The following TACC2 variants were observed in gnomAD, a reference collection of about 807,000 sequenced individuals.
The protein encoded by TACC2 is transforming acidic coiled-coil containing protein 2.
A neutral mutation model predicts 227.3 loss-of-function variants in TACC2; 137 were observed. That is an observed-to-expected ratio of 0.60 (90% CI 0.52 to 0.69). The LOEUF (loss-of-function observed/expected upper bound fraction) is 0.69, where lower values mean the gene tolerates loss of function less well. TACC2 is among the 30% of genes least tolerant of loss of function. The probability of loss-of-function intolerance (pLI) is 0.00; values close to 1 mark genes in which losing one functional copy is unlikely to be tolerated. For missense variants in TACC2, 3,470 were observed against 3,694.4 expected, an observed-to-expected ratio of 0.94 and a Z score of 1.57; for synonymous variants, 1,523 against 1,487.5, an observed-to-expected ratio of 1.02 and a Z score of -0.55.
At chr10:122,203,732 C>G (rs1363194500) in intron 8 of TACC2, among the ~76,000 whole-genome samples, 7 of 151,890 alleles carry the variant, frequency 4.6e-5, no homozygotes, top group Non-Finnish European at 1.0e-4. Context: ...CAGGCAGAGA[C>G]GCTCCTCACT....
At position 122,084,786 on chromosome 10, in the gene TACC2, C is replaced by G. The variant is rs775443867; in HGVS notation, c.2286C>G (p.Pro762=). The part of the protein sequence containing the change: ...GEGLLTSPDQ[P]RGPACDASRQ... Reference sequence around the variant, plus strand: ...GCTTGCTGACGTCCCCAGATCAACCCCGCGGGCCGGCGTGTGATGCGTCGA... The same window carrying G: ...GCTTGCTGACGTCCCCAGATCAACCGCGCGGGCCGGCGTGTGATGCGTCGA... The change falls in exon 4 of 23, where the codon CCC becomes CCG. Residue 762 remains proline, a synonymous_variant. Transcript: ENST00000369005. 6.2e-7 allele frequency: 1 copy of G among 1,613,612 alleles called. No homozygotes were observed. Among genetic ancestry groups the G allele is most frequent in the Non-Finnish European group, 8.5e-7 (1 of 1,180,034 alleles).
At chr10:122,185,992 G>A (rs1403140773) in intron 7 of TACC2, among the ~76,000 whole-genome samples, 1 of 152,014 alleles carries the variant, frequency 6.6e-6, no homozygotes, top group Non-Finnish European at 1.5e-5. Flanking sequence ...GTGCAGTGGT[G>A]TGATCTCGGC....
At chr10:122,170,764 C>T (rs189994934) in intron 7 of TACC2, among the ~76,000 whole-genome samples, 19 of 152,322 alleles carry the variant, frequency 1.2e-4, no homozygotes, top group Admixed American at 5.9e-4. Context: ...ACCTGGCTCC[C>T]GCCGCTCCTC....
At chr10:122,162,052 T>TC (rs2092847159) in intron 7 of TACC2, among the ~76,000 whole-genome samples, 1 of 152,186 alleles carries the variant, frequency 6.6e-6, no homozygotes, top group Non-Finnish European at 1.5e-5. Flanking sequence ...AGAGCACACC[T>TC]CGTCACACCA....
At chr10:122,007,488 A>T (rs1355023569) in intron 1 of TACC2, among the ~76,000 whole-genome samples, 1 of 152,090 alleles carries the variant, frequency 6.6e-6, no homozygotes, top group African/African-American at 2.4e-5. Flanking sequence ...AATATGTGTG[A>T]AATATTATCT....
chr10:122,207,586 A>G (rs181647544), intron 8 of TACC2, among the ~76,000 whole-genome samples: 16 of 152,344 alleles, frequency 1.1e-4, no homozygotes, highest in African/African-American at 3.4e-4. Flanking sequence ...AGCCCCCAGC[A>G]TAAAAATCTG....
At chr10:122,052,803 C>G (rs2075850436) in intron 3 of TACC2, 1 of 152,168 alleles carries the variant, frequency 6.6e-6, no homozygotes, top group Non-Finnish European at 1.5e-5. Flanking sequence ...GTGCAGGGCC[C>G]TGTACTAACT....
intron 6 of TACC2, among the ~76,000 whole-genome samples, chr10:122,142,984 C>G (rs972816161): frequency 1.3e-5 from 2 of 152,170 alleles, no homozygotes; most frequent in Non-Finnish European, 2.9e-5. Context: ...GCTGTGGTTC[C>G]CTGGCTGTCC....
intron 7 of TACC2, among the ~76,000 whole-genome samples, chr10:122,179,776 A>G (rs2140253161): frequency 6.6e-6 from 1 of 152,292 alleles, no homozygotes; most frequent in East Asian, 1.9e-4. Context: ...CCTTGTTTCT[A>G]CAAAAAATGT....
intron 7 of TACC2, among the ~76,000 whole-genome samples, chr10:122,156,138 A>G (rs2092457450): frequency 6.6e-6 from 1 of 151,684 alleles, no homozygotes; most frequent in African/African-American, 2.4e-5. Flanking sequence ...TGCCTGGCCA[A>G]TGGTGCAAAA....
At chr10:122,170,926 A>G (rs920104795) in intron 7 of TACC2, among the ~76,000 whole-genome samples, 3 of 151,650 alleles carry the variant, frequency 2.0e-5, no homozygotes, top group Admixed American at 1.3e-4. Flanking sequence ...TCCTGTCTTT[A>G]TCTCCTTCCA....
At chr10:122,235,392 A>T (rs1299904539) in intron 16 of TACC2, among the ~76,000 whole-genome samples, 3 of 150,636 alleles carry the variant, frequency 2.0e-5, no homozygotes, top group African/African-American at 7.3e-5. Flanking sequence ...CCGGCCCCCA[A>T]TTTTTTTTTA....
chr10:122,034,789 G>A (rs1291640212), intron 2 of TACC2, among the ~76,000 whole-genome samples: 1 of 151,940 alleles, frequency 6.6e-6, no homozygotes, highest in African/African-American at 2.4e-5. Flanking sequence ...AATTAGCCGG[G>A]CGTGGTGGTG....
At chr10:122,019,668 C>T (rs979943951) in intron 1 of TACC2, 7 of 152,264 alleles carry the variant, frequency 4.6e-5, no homozygotes, top group Non-Finnish European at 7.3e-5. Context: ...TGGGCAGGAA[C>T]GCTTGTCTAA....
chr10:122,028,431 T>C (rs1958378928), intron 2 of TACC2, among the ~76,000 whole-genome samples: 1 of 152,182 alleles, frequency 6.6e-6, no homozygotes, highest in Non-Finnish European at 1.5e-5. Flanking sequence ...CTTCAACATA[T>C]AGATCCAGCA....
chr10:122,219,207 A>C (rs2095475129), intron 11 of TACC2, among the ~76,000 whole-genome samples: 2 of 146,748 alleles, frequency 1.4e-5, no homozygotes, highest in African/African-American at 2.5e-5. Context: ...CTGCTGGAAC[A>C]CCCTTCCCCC....
chr10:122,215,528 C>A, intron 10 of TACC2, 77 bp downstream of exon 10: 2 of 1,246,510 alleles, frequency 1.6e-6, no homozygotes, highest in Non-Finnish European at 2.4e-6. Context: ...CAAAGCTTTG[C>A]TTTCTGCTCA....
chr10:122,075,216 G>GAA (rs1223589939), intron 3 of TACC2, among the ~76,000 whole-genome samples: 1 of 148,216 alleles, frequency 6.7e-6, no homozygotes, highest in Non-Finnish European at 1.5e-5. Context: ...AAGAAAGAAA[G>GAA]AAAGTCAGCA....
intron 2 of TACC2, among the ~76,000 whole-genome samples, chr10:122,026,985 C>T (rs1386726522): frequency 1.3e-5 from 2 of 152,244 alleles, no homozygotes; most frequent in East Asian, 1.9e-4. Context: ...TACCAGCGAG[C>T]GTGATTGCTG....
Sources: allele counts gnomAD v4.1 joint callset (sites outside exome capture counted in the v4.1 genomes callset), GRCh38; gene constraint gnomAD v4.1.1; transcripts MANE v1.5; gene names NCBI Gene and HGNC (gene_info 2026-07-23, HGNC 2026-07-21).